The following CPEB2 variants were observed in gnomAD, a reference collection of about 807,000 sequenced individuals.
CPEB2 encodes cytoplasmic polyadenylation element-binding protein 2.
In CPEB2, 56 loss-of-function variants were observed where a neutral mutation model predicts 93.6. The ratio of observed to expected loss-of-function variants is 0.60; its 90% CI spans 0.48 to 0.75. CPEB2 has a LOEUF of 0.75. Ranked by LOEUF, CPEB2 falls within the 30% of genes least tolerant of loss-of-function variation. The probability of loss-of-function intolerance (pLI) is 0.00; values close to 1 mark genes in which losing one functional copy is unlikely to be tolerated. For synonymous variants in CPEB2, 764 were observed against 586.3 expected (o/e 1.30, Z -4.38); for missense variants, 1,579 against 1,395.1 (o/e 1.13, Z -2.10).
intron 3 of CPEB2, among the ~76,000 whole-genome samples, chr4:15,014,397 C>G (rs1318138384): frequency 6.6e-6 from 1 of 151,488 alleles, no homozygotes; most frequent in Non-Finnish European, 1.5e-5. Context: ...GGATTTTTTG[C>G]TTAATTATAT....
chr4:15,012,182 T>A (rs1475702115), intron 3 of CPEB2, among the ~76,000 whole-genome samples: 1 of 152,238 alleles, frequency 6.6e-6, no homozygotes, highest in African/African-American at 2.4e-5. Flanking sequence ...ACATGCCCAC[T>A]GAAAATGGAA....
At chr4:15,065,012 T>G (rs915734232) in intron 11 of CPEB2, among the ~76,000 whole-genome samples, 1 of 152,010 alleles carries the variant, frequency 6.6e-6, no homozygotes, top group Non-Finnish European at 1.5e-5. Context: ...AAAAGCCAAG[T>G]GTCGAATATA....
At position 15,003,575 on chromosome 4, in the gene CPEB2, T is replaced by G. The variant is rs919160184; in HGVS notation, c.902T>G (p.Leu301Trp). ...GCCGCCGAGTCCCCCAATGCGGGCT[T>G]GGCCTCCTCGACGCCGGTGAACCCC... ...GSAAESPNAGLASSTPVNPAP... is the reference protein window; with the variant it reads ...GSAAESPNAGWASSTPVNPAP... Residue 301 changes from leucine to tryptophan, a missense_variant, in exon 1 of 12, where the codon TTG (leucine) becomes TGG (tryptophan). By Grantham distance (61) the Leu-to-Trp change is moderately conservative. Coordinates refer to ENST00000538197, the MANE Select transcript of CPEB2 (RefSeq NM_001177382.2). The G allele has an allele frequency of 1.4e-6, 2 of 1,474,050 alleles. No homozygotes were observed. The highest frequency in any genetic ancestry group is 1.5e-5 in the African/African-American group (1 of 68,154). The allele number at this position is 1,474,050 out of a possible 1,614,324, so 91.3% of individuals were successfully genotyped here. A position where few individuals can be genotyped will look rare whatever the true frequency, so the allele number is the denominator to read the frequency against.
chr4:15,012,342 ATTTG>A (rs1211749491), intron 3 of CPEB2, among the ~76,000 whole-genome samples: 7 of 147,062 alleles, frequency 4.8e-5, no homozygotes, highest in Non-Finnish European at 8.8e-5. Context: ...CTTTTAAAAC[ATTTG>A]TTTATTTTTT....
At chr4:15,049,196 T>A (rs1187308418) in intron 6 of CPEB2, among the ~76,000 whole-genome samples, 1 of 152,050 alleles carries the variant, frequency 6.6e-6, no homozygotes, top group Admixed American at 6.6e-5. Context: ...AAAGTTTGAG[T>A]CACTTTTGGG....
intron 5 of CPEB2, among the ~76,000 whole-genome samples, chr4:15,039,777 T>C (rs1299112072): frequency 6.6e-6 from 1 of 152,172 alleles, no homozygotes; most frequent in African/African-American, 2.4e-5. Flanking sequence ...TAGTAATTTG[T>C]ATCTGAATCC....
In CPEB2 at chr4:15,062,224, G is replaced by A. The variant is rs1729256263; in HGVS notation, c.2841G>A (p.Arg947=). ...QQSYIAAISA[R]FVQLQHGDID... is the part of the protein sequence containing the mutation. ...GCTATATTGCTGCCATTAGTGCTCGGTTTGTTCAGCTTCAGCATGGTGATA... is the reference window on the plus strand; with the variant it reads ...GCTATATTGCTGCCATTAGTGCTCGATTTGTTCAGCTTCAGCATGGTGATA... The change falls in exon 11 of 12, where the codon CGG becomes CGA. Residue 947 remains arginine, a synonymous_variant. Coordinates refer to ENST00000538197, the MANE Select transcript of CPEB2 (RefSeq NM_001177382.2). The A allele has an allele frequency of 6.2e-7, 1 of 1,612,058 alleles. No homozygotes were observed. The highest frequency in any genetic ancestry group is 1.1e-5 in the South Asian group (1 of 90,948).
intron 1 of CPEB2, among the ~76,000 whole-genome samples, chr4:15,005,498 G>T (rs770169368): frequency 1.3e-4 from 20 of 152,174 alleles, no homozygotes; most frequent in Admixed American, 3.9e-4. Flanking sequence ...TGGTAAATTG[G>T]CATTGAAAGA....
intron 3 of CPEB2, among the ~76,000 whole-genome samples, chr4:15,010,981 A>AAGATTTTT (rs1363887242): frequency 6.6e-6 from 1 of 152,178 alleles, no homozygotes; most frequent in Non-Finnish European, 1.5e-5. Context: ...TATTTTAAAT[A>AAGATTTTT]AGATTTTTTA....
At chr4:15,062,465 T>C (rs1300293876) in intron 11 of CPEB2, among the ~76,000 whole-genome samples, 1 of 152,094 alleles carries the variant, frequency 6.6e-6, no homozygotes, top group East Asian at 1.9e-4. Context: ...AATATTAATA[T>C]CATTGTGCAG....
At chr4:15,058,113 G>T (rs1728875509) in intron 8 of CPEB2, among the ~76,000 whole-genome samples, 2 of 152,242 alleles carry the variant, frequency 1.3e-5, no homozygotes, top group South Asian at 4.1e-4. Flanking sequence ...GTGGTACTTT[G>T]ATTTTTTTCT....
chr4:15,033,933 TATC>T (rs1726363000), intron 5 of CPEB2, among the ~76,000 whole-genome samples: 1 of 124,990 alleles, frequency 8.0e-6, no homozygotes, highest in African/African-American at 4.3e-5. Context: ...TTTAAAAAAA[TATC>T]ATTAGAATGG....
chr4:15,066,135 ACTTT>A lies in CPEB2; in HGVS notation c.2878-13_2878-10del. 1 of 1,602,224 alleles carries A rather than the reference ACTTT, an allele frequency of 6.2e-7. No individual in the cohort carries two copies. The highest frequency in any genetic ancestry group is 8.5e-7 in the Non-Finnish European group (1 of 1,170,056). ...CTGAAGCAGACCCTAATGAGACTTA[ACTTT>A]CTTTTTTTTCAAGGTGGAGGTAAAG... On this transcript the variant is annotated splice_polypyrimidine_tract_variant and intron_variant, in intron 11 of 11. Transcript: ENST00000538197.
At chr4:15,014,778 A>G (rs1723912105) in intron 3 of CPEB2, among the ~76,000 whole-genome samples, 2 of 152,092 alleles carry the variant, frequency 1.3e-5, no homozygotes, top group African/African-American at 2.4e-5. Context: ...ATTCTTAATC[A>G]ACTTAGAAGT....
At chr4:15,009,917 G>A (rs1167618100) in intron 3 of CPEB2, among the ~76,000 whole-genome samples, 2 of 152,152 alleles carry the variant, frequency 1.3e-5, no homozygotes, top group African/African-American at 4.8e-5. Context: ...TTCAATCAAA[G>A]CTATTCTGCT....
intron 4 of CPEB2, among the ~76,000 whole-genome samples, chr4:15,027,672 C>G (rs1725633647): frequency 6.6e-6 from 1 of 152,080 alleles, no homozygotes; most frequent in South Asian, 2.1e-4. Flanking sequence ...TGGGGCAATG[C>G]TTTATTTAAA....
chr4:15,010,336 C>T (rs1723306973), intron 3 of CPEB2, among the ~76,000 whole-genome samples: 1 of 152,226 alleles, frequency 6.6e-6, no homozygotes, highest in African/African-American at 2.4e-5. Flanking sequence ...CATGCTGCCC[C>T]ACCCCCCTTG....
rs1256852414 is a variant in CPEB2 at position 15,069,778 on chromosome 4, A to G, written c.*3398A>G. 1 of 152,220 alleles carries G rather than the reference A, an allele frequency of 6.6e-6. No homozygotes were observed. The highest frequency in any genetic ancestry group is 1.9e-4 in the East Asian group (1 of 5,174). 9.4% of individuals were successfully genotyped at this position (152,220 alleles called of 1,614,324 possible). On this transcript the variant is annotated 3_prime_UTR_variant, in exon 12 of 12. Coordinates refer to ENST00000538197, the MANE Select transcript of CPEB2 (RefSeq NM_001177382.2). Reference sequence around the variant, plus strand: ...CTAGTTTCTAATTCCCAGTTTCTGTATAGAATCGCACAAGTGGTTTATGGA... The same window carrying G: ...CTAGTTTCTAATTCCCAGTTTCTGTGTAGAATCGCACAAGTGGTTTATGGA...
chr4:15,027,245 G>A (rs1725585993), intron 4 of CPEB2, among the ~76,000 whole-genome samples: 2 of 152,004 alleles, frequency 1.3e-5, no homozygotes, highest in Admixed American at 1.3e-4. Flanking sequence ...TTGGGTAAAA[G>A]TCTTAAAATA....
Sources: allele counts gnomAD v4.1 joint callset (sites outside exome capture counted in the v4.1 genomes callset), GRCh38; gene constraint gnomAD v4.1.1; transcripts MANE v1.5; gene names NCBI Gene and HGNC (gene_info 2026-07-23, HGNC 2026-07-21).